Variants in PPP3CA observed in about 807,000 individuals in gnomAD.
The protein encoded by PPP3CA is CAM-PRP catalytic subunit.
PPP3CA carries 14 observed loss-of-function variants against 66.5 expected under a neutral mutation model. That is an observed-to-expected ratio of 0.21 (90% CI 0.14 to 0.33). PPP3CA has a LOEUF of 0.33. Among genes scored for constraint, PPP3CA ranks in the 10% least tolerant of loss-of-function variants. The probability of loss-of-function intolerance (pLI) is 1.00; values close to 1 mark genes in which losing one functional copy is unlikely to be tolerated. For synonymous variants in PPP3CA, 232 were observed against 226.2 expected (o/e 1.03, Z -0.23); for missense variants, 317 against 639.5 (o/e 0.50, Z 5.44).
At chr4:101,288,778 CA>C (rs1278786585) in intron 1 of PPP3CA, among the ~76,000 whole-genome samples, 2 of 151,798 alleles carry the variant, frequency 1.3e-5, no homozygotes, top group Non-Finnish European at 2.9e-5. Flanking sequence ...TTTTTCCCCC[CA>C]AAAAATGTTT....
intron 2 of PPP3CA, among the ~76,000 whole-genome samples, chr4:101,155,808 G>A (rs183003664): frequency 2.6e-5 from 4 of 152,172 alleles, no homozygotes; most frequent in Admixed American, 2.6e-4. Flanking sequence ...TCTCAAAGCA[G>A]GAAATATCTT....
At chr4:101,061,913 G>C (rs1041799564) in intron 9 of PPP3CA, among the ~76,000 whole-genome samples, 5 of 151,964 alleles carry the variant, frequency 3.3e-5, no homozygotes, top group African/African-American at 1.2e-4. Flanking sequence ...CCTGTCTACT[G>C]CTTCTTTGAG....
intron 1 of PPP3CA, among the ~76,000 whole-genome samples, chr4:101,264,978 A>C (rs1356913960): frequency 1.3e-5 from 2 of 152,196 alleles, no homozygotes; most frequent in Non-Finnish European, 2.9e-5. Flanking sequence ...TCTGAGGGGG[A>C]AGTAGCCTTC....
intron 10 of PPP3CA, among the ~76,000 whole-genome samples, chr4:101,041,429 ATTTTTTTT>A (rs11296247): frequency 4.6e-5 from 4 of 86,154 alleles, no homozygotes; most frequent in Non-Finnish European, 8.9e-5. Flanking sequence ...TACCTCACAA[ATTTTTTTT>A]TTTTTTTTTT....
At chr4:101,188,420 T>A (rs1724481302) in intron 2 of PPP3CA, among the ~76,000 whole-genome samples, 1 of 152,108 alleles carries the variant, frequency 6.6e-6, no homozygotes, top group African/African-American at 2.4e-5. Context: ...TCATAAAAAT[T>A]TCTGAAAAAC....
chr4:101,099,551 T>G, intron 4 of PPP3CA, 60 bp downstream of exon 4: 2 of 927,220 alleles, frequency 2.2e-6, no homozygotes, highest in South Asian at 3.4e-5. Context: ...ATCTTATTAT[T>G]GATTAAAATT....
chr4:101,083,292 A>G, intron 6 of PPP3CA, 29 bp from the exon 7 acceptor site: 3 of 1,575,718 alleles, frequency 1.9e-6, no homozygotes, highest in Non-Finnish European at 2.6e-6. Context: ...AAAGGGAAGC[A>G]TCTGTTAGGA....
intron 1 of PPP3CA, among the ~76,000 whole-genome samples, chr4:101,332,301 T>A (rs145816469): frequency 7.9e-5 from 12 of 152,290 alleles, no homozygotes; most frequent in Admixed American, 3.9e-4. Context: ...TGTAAGGACA[T>A]GAGACTGCCT....
At chr4:101,043,785 G>T (rs1324348488) in intron 10 of PPP3CA, among the ~76,000 whole-genome samples, 2 of 152,052 alleles carry the variant, frequency 1.3e-5, no homozygotes, top group Non-Finnish European at 2.9e-5. Context: ...TAAGGCAGGA[G>T]AATCGGTTGA....
chr4:101,274,521 T>G (rs1171251271), intron 1 of PPP3CA, among the ~76,000 whole-genome samples: 1 of 152,358 alleles, frequency 6.6e-6, no homozygotes, highest in East Asian at 1.9e-4. Context: ...AAACTTATTC[T>G]GTACAGAAAA....
intron 11 of PPP3CA, among the ~76,000 whole-genome samples, chr4:101,037,123 G>T (rs1297000643): frequency 2.6e-5 from 4 of 152,146 alleles, no homozygotes; most frequent in African/African-American, 9.7e-5. Flanking sequence ...TCCATGAAAG[G>T]CTTGCCACTG....
intron 1 of PPP3CA, among the ~76,000 whole-genome samples, chr4:101,237,979 G>A (rs929534263): frequency 3.3e-5 from 5 of 151,886 alleles, no homozygotes; most frequent in African/African-American, 9.7e-5. Flanking sequence ...TATTCCTACC[G>A]CATCAAAGTT....
At chr4:101,095,491 T>C (rs780473439) in intron 5 of PPP3CA, among the ~76,000 whole-genome samples, 5 of 152,170 alleles carry the variant, frequency 3.3e-5, no homozygotes, top group Non-Finnish European at 7.3e-5. Context: ...AGCTTAATGA[T>C]ATGTATGAAA....
intron 2 of PPP3CA, among the ~76,000 whole-genome samples, chr4:101,164,894 A>G (rs1165647652): frequency 2.6e-5 from 4 of 152,246 alleles, no homozygotes; most frequent in African/African-American, 9.6e-5. Flanking sequence ...TACCAGAGAT[A>G]AAGGGCTGCC....
chr4:101,339,950 A>T, intron 1 of PPP3CA, among the ~76,000 whole-genome samples: 1 of 152,194 alleles, frequency 6.6e-6, no homozygotes, highest in Non-Finnish European at 1.5e-5. Flanking sequence ...AGAAAGGAAA[A>T]CTGGGACAAT....
intron 1 of PPP3CA, among the ~76,000 whole-genome samples, chr4:101,269,902 C>T (rs906143205): frequency 1.3e-4 from 20 of 152,066 alleles, no homozygotes; most frequent in Non-Finnish European, 2.6e-4. Flanking sequence ...TTTCCAGGAA[C>T]ATGTGAACAT....
At chr4:101,155,102 A>G (rs1477773751) in intron 2 of PPP3CA, among the ~76,000 whole-genome samples, 1 of 152,310 alleles carries the variant, frequency 6.6e-6, no homozygotes, top group East Asian at 1.9e-4. Flanking sequence ...GGCGTGAGCC[A>G]ACGCGCCCAG....
intron 1 of PPP3CA, among the ~76,000 whole-genome samples, chr4:101,295,194 G>A (rs914549565): frequency 2.0e-5 from 3 of 150,778 alleles, no homozygotes; most frequent in South Asian, 2.1e-4. Context: ...CCAGCTACTC[G>A]GGAGGCTGAG....
chr4:101,076,661 A>G (rs1729205659), intron 8 of PPP3CA, among the ~76,000 whole-genome samples: 1 of 152,208 alleles, frequency 6.6e-6, no homozygotes, highest in South Asian at 2.1e-4. Flanking sequence ...AAAGTTGCTC[A>G]GGGCAATGAG....
Sources: allele counts gnomAD v4.1 joint callset (sites outside exome capture counted in the v4.1 genomes callset), GRCh38; gene constraint gnomAD v4.1.1; transcripts MANE v1.5; gene names NCBI Gene and HGNC (gene_info 2026-07-23, HGNC 2026-07-21).